The following MCF2L variants were observed in gnomAD, a reference collection of about 807,000 sequenced individuals.
The protein encoded by MCF2L is MCF.2 cell line derived transforming sequence like.
MCF2L carries 97 observed loss-of-function variants against 153.4 expected under a neutral mutation model. That is an observed-to-expected ratio of 0.63 (90% CI 0.54 to 0.75). MCF2L has a LOEUF of 0.75. MCF2L is among the 30% of genes least tolerant of loss of function. The probability of loss-of-function intolerance (pLI) is 0.00; values close to 1 mark genes in which losing one functional copy is unlikely to be tolerated. For synonymous variants in MCF2L, 659 were observed against 632.2 expected (o/e 1.04, Z -0.64); for missense variants, 1,347 against 1,495.2 (o/e 0.90, Z 1.64).
intron 2 of MCF2L, among the ~76,000 whole-genome samples, chr13:112,944,633 G>A (rs1041101119): frequency 6.7e-6 from 1 of 148,952 alleles, no homozygotes; most frequent in Admixed American, 6.8e-5. Flanking sequence ...GTGCAGTGGC[G>A]CAACCTCGGC....
At chr13:112,959,597 C>T (rs1054891490) in intron 2 of MCF2L, among the ~76,000 whole-genome samples, 5 of 152,138 alleles carry the variant, frequency 3.3e-5, no homozygotes, top group Non-Finnish European at 7.3e-5. Context: ...CTGAGCTGTT[C>T]AAAGGTATTC....
chr13:113,015,771 C>G (rs1470544385), intron 2 of MCF2L, among the ~76,000 whole-genome samples: 1 of 152,222 alleles, frequency 6.6e-6, no homozygotes, highest in Admixed American at 6.5e-5. Flanking sequence ...GACTTGGTCC[C>G]TGCTTCCCAT....
chr13:113,075,893 G>A, intron 11 of MCF2L, 73 bp from the exon 12 acceptor site: 1 of 1,252,548 alleles, frequency 8.0e-7, no homozygotes, highest in East Asian at 2.5e-5. Flanking sequence ...CACCCCGGCA[G>A]TGTGTGCCTG....
chr13:112,919,245 G>A (rs913906367), intron 2 of MCF2L, among the ~76,000 whole-genome samples: 24 of 123,736 alleles, frequency 1.9e-4, no homozygotes, highest in African/African-American at 7.6e-4. Flanking sequence ...TTGCTCTGTC[G>A]CCCAGGCTGG....
In MCF2L at chr13:112,951,823, G is replaced by C. The variant is rs142183975; in HGVS notation, c.169+49452G>C. Among the ~76,000 whole-genome samples, 1,173 of 152,274 alleles carry C rather than the reference G, an allele frequency of 7.7e-3. 12 individuals carry two copies. The highest frequency in any genetic ancestry group is 0.027 in the African/African-American group (1,114 of 41,534). ...ACCCCTGGAGGAAAACGGTACACAA[G>C]ACCTCTGTTTACTGTTTCTCACAAC... On this transcript the variant is annotated intron_variant, in intron 2 of 29. Coordinates refer to the MCF2L transcript ENST00000375608. The surrounding 1 kb of genome is among the most constrained non-coding windows in gnomAD (Gnocchi z 4.8).
chr13:113,024,637 T>C lies in MCF2L; in HGVS notation c.164-7T>C, dbSNP rs1216166256. The C allele has an allele frequency of 7.5e-6, 12 of 1,604,052 alleles. No individual in the cohort carries two copies. The highest frequency in any genetic ancestry group is 9.4e-6 in the Non-Finnish European group (11 of 1,171,158). ...CGGCTAAGGGTCTGCCTCTGGTCTC[T>C]CCCCAGGTGGGCGGGGGCAGGACGG... is the stretch of plus-strand genomic sequence containing the variant. On this transcript the variant is annotated splice_region_variant and splice_polypyrimidine_tract_variant and intron_variant, in intron 2 of 29. Coordinates refer to ENST00000535094, the MANE Select transcript of MCF2L (RefSeq NM_001112732.3).
intron 2 of MCF2L, among the ~76,000 whole-genome samples, chr13:113,023,505 G>T (rs894901390): frequency 2.6e-5 from 4 of 152,178 alleles, no homozygotes; most frequent in Non-Finnish European, 5.9e-5. Context: ...AAGGCGGCGG[G>T]GGACTGTCGC....
At chr13:112,958,641 C>T (rs764611011) in intron 2 of MCF2L, among the ~76,000 whole-genome samples, 9 of 152,372 alleles carry the variant, frequency 5.9e-5, no homozygotes, top group African/African-American at 1.9e-4. Context: ...GCCTGGCACA[C>T]GCCCAGGCTG....
chr13:112,958,770 G>A lies in MCF2L; in HGVS notation c.170-55993G>A, dbSNP rs542746983. Reference sequence around the variant, plus strand: ...AATGCCCCCAGCCCTGCTCGTGTGTGGGATACGTGTGCCAGGCACCTCCTG... The same window carrying A: ...AATGCCCCCAGCCCTGCTCGTGTGTAGGATACGTGTGCCAGGCACCTCCTG... On this transcript the variant is annotated intron_variant, in intron 2 of 29. Coordinates refer to the MCF2L transcript ENST00000375608. 2.2e-3 allele frequency among the ~76,000 whole-genome samples: 338 copies of A among 152,250 alleles called. 2 individuals are homozygous for A. The highest frequency in any genetic ancestry group is 7.4e-3 in the African/African-American group (307 of 41,568).
At chr13:112,999,848 C>T (rs1438584141) in intron 1 of MCF2L, among the ~76,000 whole-genome samples, 3 of 152,220 alleles carry the variant, frequency 2.0e-5, no homozygotes, top group East Asian at 3.8e-4. Flanking sequence ...AAACATGCTT[C>T]GGACATTAGA....
intron 2 of MCF2L, among the ~76,000 whole-genome samples, chr13:112,908,745 T>TTG (rs2081199046): frequency 6.6e-6 from 1 of 151,014 alleles, no homozygotes; most frequent in African/African-American, 2.4e-5. Flanking sequence ...TTTTTTTGTT[T>TTG]TTTTTTGAGA....
intron 11 of MCF2L, 136 bp from the exon 12 acceptor site, chr13:113,075,830 G>T (rs2033414060): frequency 1.5e-6 from 1 of 654,206 alleles, no homozygotes; most frequent in Non-Finnish European, 2.6e-6. Flanking sequence ...GGGGTGCTTT[G>T]GACAGGGTGG....
chr13:113,058,685 G>A (rs1172582383), intron 4 of MCF2L, among the ~76,000 whole-genome samples: 1 of 150,986 alleles, frequency 6.6e-6, no homozygotes, highest in Non-Finnish European at 1.5e-5. Flanking sequence ...TTTGGGCGCT[G>A]AGTGGGCACT....
rs570618208 is a variant in MCF2L at position 112,894,716 on chromosome 13, C to T, written c.-5+285C>T. Among the ~76,000 whole-genome samples, 11 of 152,204 alleles carry T rather than the reference C, an allele frequency of 7.2e-5. No individual in the cohort carries two copies. The East Asian group carries it at 2.1e-3, about 30-fold the overall frequency. On this transcript the variant is annotated intron_variant, in intron 1 of 29. Transcript: ENST00000375608. ...CGCGAGTGTCCAGGCGCCCAGGGCCCCTCCGCATTGTCACGGGGGCCCTCA... is the reference window on the plus strand; with the variant it reads ...CGCGAGTGTCCAGGCGCCCAGGGCCTCTCCGCATTGTCACGGGGGCCCTCA...
intron 1 of MCF2L, among the ~76,000 whole-genome samples, chr13:112,977,367 T>C (rs930925737): frequency 1.3e-5 from 2 of 151,934 alleles, no homozygotes; most frequent in Admixed American, 6.6e-5. Flanking sequence ...TGTTTTCTCA[T>C]GGAGGGGCTA....
intron 2 of MCF2L, among the ~76,000 whole-genome samples, chr13:112,922,490 C>G (rs944893774): frequency 2.0e-5 from 3 of 151,898 alleles, no homozygotes; most frequent in African/African-American, 7.2e-5. Flanking sequence ...AATCTCATTT[C>G]TCAGCATTGA....
At chr13:113,065,120 G>A in intron 7 of MCF2L, 35 bp downstream of exon 7, 6 of 1,601,010 alleles carry the variant, frequency 3.7e-6, no homozygotes, top group Non-Finnish European at 5.1e-6. Context: ...AAGCTGTGGG[G>A]GGCTCCGGTC....
intron 2 of MCF2L, 42 bp from the exon 3 acceptor site, chr13:113,024,585 GTGGAACCCCCGGGGGCA>G: frequency 8.9e-7 from 1 of 1,127,022 alleles, no homozygotes; most frequent in Admixed American, 1.8e-5. Context: ...GCCGACATCT[GTGGAACCCCCGGGGGCA>G]TGGAGCCCTC....
chr13:112,955,024 C>A (rs1009304717), intron 2 of MCF2L, among the ~76,000 whole-genome samples: 1 of 152,204 alleles, frequency 6.6e-6, no homozygotes. Flanking sequence ...TGGATACTTG[C>A]ATGCATCAGA....
Sources: allele counts gnomAD v4.1 joint callset (sites outside exome capture counted in the v4.1 genomes callset), GRCh38; gene constraint gnomAD v4.1.1; non-coding constraint Gnocchi (gnomAD v3.1); transcripts MANE v1.5; gene names NCBI Gene and HGNC (gene_info 2026-07-23, HGNC 2026-07-21).